Variants in RGS5 observed in about 807,000 individuals in gnomAD.
RGS5 encodes regulator of G-protein signalling 5.
A neutral mutation model predicts 18.9 loss-of-function variants in RGS5; 20 were observed. The ratio of observed to expected loss-of-function variants is 1.06; its 90% CI spans 0.74 to 1.54. RGS5 has a LOEUF of 1.54. Ranked by LOEUF, RGS5 falls within the 40% of genes most tolerant of loss-of-function variation. The pLI is 0.00. For synonymous variants in RGS5, 57 were observed against 76.2 expected, an observed-to-expected ratio of 0.75 and a Z score of 1.31; for missense variants, 201 against 211.8, an observed-to-expected ratio of 0.95 and a Z score of 0.32.
At chr1:163,317,571 T>A (rs1650060954) in intron 1 of RGS5, among the ~76,000 whole-genome samples, 1 of 152,224 alleles carries the variant, frequency 6.6e-6, no homozygotes, top group Admixed American at 6.5e-5. Flanking sequence ...GTTCTTTTTC[T>A]CAGAGTAGCG....
chr1:163,202,925 T>C, upstream of RGS5: 1 of 1,249,020 alleles, frequency 8.0e-7, no homozygotes, highest in Non-Finnish European at 1.2e-6. Flanking sequence ...CTGGGATGCC[T>C]TTCCTCCTGA....
intron 1 of RGS5, among the ~76,000 whole-genome samples, chr1:163,200,464 C>G (rs1013399034): frequency 2.0e-5 from 3 of 151,874 alleles, no homozygotes; most frequent in Non-Finnish European, 4.4e-5. Flanking sequence ...AAGACAGGAG[C>G]CTGTGTGGGG....
At chr1:163,260,285 T>C (rs1176225888) in intron 2 of RGS5, 1 of 152,244 alleles carries the variant, frequency 6.6e-6, no homozygotes, top group Non-Finnish European at 1.5e-5. Flanking sequence ...TGCATCATTT[T>C]TTAATCCTAT....
At chr1:163,205,688 A>G (rs1472365000), upstream of RGS5, among the ~76,000 whole-genome samples, 4 of 152,148 alleles carry the variant, frequency 2.6e-5, no homozygotes, top group Non-Finnish European at 5.9e-5. Flanking sequence ...AGCACTAGAT[A>G]TTACAGTTCT....
At chr1:163,215,728 C>T (rs1288547679) in intron 1 of RGS5, among the ~76,000 whole-genome samples, 1 of 151,908 alleles carries the variant, frequency 6.6e-6, no homozygotes, top group Admixed American at 6.6e-5. Flanking sequence ...CCCCAGTTTC[C>T]TAAGGGAATT....
chr1:163,267,075 T>C (rs1648589726), intron 2 of RGS5, among the ~76,000 whole-genome samples: 1 of 152,086 alleles, frequency 6.6e-6, no homozygotes, highest in South Asian at 2.1e-4. Context: ...CCCAAATTCA[T>C]ATGTTGAAGC....
intron 2 of RGS5, among the ~76,000 whole-genome samples, chr1:163,253,210 G>T (rs963909940): frequency 2.0e-5 from 3 of 152,066 alleles, no homozygotes; most frequent in African/African-American, 7.2e-5. Flanking sequence ...TCCTGTGTCC[G>T]AGTACTCTGA....
intron 1 of RGS5, among the ~76,000 whole-genome samples, chr1:163,199,673 T>A (rs1414781948): frequency 6.6e-6 from 1 of 152,208 alleles, no homozygotes; most frequent in Non-Finnish European, 1.5e-5. Context: ...TGCTTTCTTA[T>A]AAATCAGCAT....
intron 2 of RGS5, among the ~76,000 whole-genome samples, chr1:163,301,193 C>G (rs925649845): frequency 7.2e-5 from 11 of 152,198 alleles, no homozygotes; most frequent in Admixed American, 7.2e-4. Flanking sequence ...CTTTGGATAA[C>G]TGTTCCTCTA....
chr1:163,249,310 C>T (rs1648035892), intron 2 of RGS5, among the ~76,000 whole-genome samples: 1 of 152,192 alleles, frequency 6.6e-6, no homozygotes, highest in Admixed American at 6.5e-5. Flanking sequence ...ATCATCTTCC[C>T]ACCTGCACTA....
intron 1 of RGS5, among the ~76,000 whole-genome samples, chr1:163,181,578 C>T (rs1267692485): frequency 2.0e-5 from 3 of 152,124 alleles, no homozygotes; most frequent in Non-Finnish European, 4.4e-5. Context: ...AAGAACAGAA[C>T]ACATTTCTTC....
At chr1:163,238,685 A>T (rs1647698943) in intron 2 of RGS5, 1 of 277,128 alleles carries the variant, frequency 3.6e-6, no homozygotes, top group African/African-American at 2.2e-5. Context: ...GTTGGTAACC[A>T]TGTAAATCAT....
intron 1 of RGS5, among the ~76,000 whole-genome samples, chr1:163,169,036 T>C (rs1173776983): frequency 1.8e-5 from 2 of 109,704 alleles, no homozygotes; most frequent in South Asian, 3.3e-4. Flanking sequence ...CAACAGTCCC[T>C]GGTGTGTGAT....
At chr1:163,153,697 C>G (rs531671014) in intron 3 of RGS5, among the ~76,000 whole-genome samples, 1 of 151,326 alleles carries the variant, frequency 6.6e-6, no homozygotes, top group East Asian at 1.9e-4. Flanking sequence ...TAGATATAGT[C>G]TTTAATTGTA....
intron 2 of RGS5, among the ~76,000 whole-genome samples, chr1:163,231,754 TAA>T (rs59080668): frequency 7.5e-5 from 10 of 133,300 alleles, no homozygotes; most frequent in East Asian, 2.2e-4. Context: ...GTGGTAAAAT[TAA>T]AAAAAAAAAA....
At chr1:163,246,176 G>A (rs371597528) in intron 2 of RGS5, among the ~76,000 whole-genome samples, 10 of 151,246 alleles carry the variant, frequency 6.6e-5, no homozygotes, top group East Asian at 3.9e-4. Flanking sequence ...AGCCAAGATC[G>A]CGCCACTGCA....
intron 2 of RGS5, among the ~76,000 whole-genome samples, chr1:163,290,641 T>C (rs1649258672): frequency 7.0e-6 from 1 of 141,956 alleles, no homozygotes; most frequent in East Asian, 2.0e-4. Context: ...AGAAGACATG[T>C]GCAGCTCATA....
At chr1:163,167,973 A>C (rs995687392) in intron 2 of RGS5, among the ~76,000 whole-genome samples, 1 of 152,144 alleles carries the variant, frequency 6.6e-6, no homozygotes, top group South Asian at 2.1e-4. Flanking sequence ...GTATCATTTT[A>C]TAAGTATGGT....
At chr1:163,204,309 CCA>C (rs10616125), upstream of RGS5, among the ~76,000 whole-genome samples, 40,817 of 144,482 alleles carry the variant, frequency 0.28, 5,608 homozygotes, top group Non-Finnish European at 0.32. Context: ...TGGCTCTAAA[CCA>C]CACACACACA....
Sources: gnomAD v4.1 joint callset for allele counts (sites outside exome capture counted in the v4.1 genomes callset) on GRCh38, gnomAD v4.1.1 for gene constraint, MANE v1.5 for transcripts, NCBI Gene and HGNC (gene_info 2026-07-23, HGNC 2026-07-21) for gene names.